AGBL4: variants seen among roughly 807,000 people sequenced by gnomAD.
AGBL4 encodes AGBL carboxypeptidase 4.
Under a neutral mutation model 66.4 loss-of-function variants are expected in AGBL4, and 58 were observed. That is an observed-to-expected ratio of 0.87 (90% CI 0.71 to 1.09). The LOEUF (loss-of-function observed/expected upper bound fraction) is 1.09, where lower values mean the gene tolerates loss of function less well. Ranked by LOEUF, AGBL4 falls within the 50% of genes least tolerant of loss-of-function variation. The pLI, the probability that AGBL4 is intolerant of heterozygous loss-of-function variation, is 0.00. For synonymous variants in AGBL4, 234 were observed against 222.9 expected, an observed-to-expected ratio of 1.05 and a Z score of -0.44; for missense variants, 579 against 631.0, an observed-to-expected ratio of 0.92 and a Z score of 0.88.
At chr1:49,089,834 A>G (rs985425381) in intron 4 of AGBL4, among the ~76,000 whole-genome samples, 6 of 152,158 alleles carry the variant, frequency 3.9e-5, no homozygotes, top group Non-Finnish European at 8.8e-5. Flanking sequence ...ATGAACACTG[A>G]TGCAAAAATC....
chr1:48,590,795 G>C (rs1054868016), intron 10 of AGBL4, 38 bp downstream of exon 10: 3 of 1,563,420 alleles, frequency 1.9e-6, no homozygotes, highest in Non-Finnish European at 2.6e-6. Context: ...GCAGGGTGTG[G>C]GGGGCTGGGG....
At chr1:49,495,046 G>A (rs1214685483) in intron 3 of AGBL4, among the ~76,000 whole-genome samples, 1 of 151,960 alleles carries the variant, frequency 6.6e-6, no homozygotes, top group Middle Eastern at 3.2e-3. Flanking sequence ...TACTTAATTA[G>A]AGTTCTATTG....
intron 1 of AGBL4, among the ~76,000 whole-genome samples, chr1:49,882,819 A>G (rs1015672089): frequency 1.3e-5 from 2 of 152,116 alleles, no homozygotes; most frequent in Admixed American, 1.3e-4. Context: ...TGCATTTTAG[A>G]AATTTGTTGA....
chr1:48,537,849 T>A (rs1643998620), intron 12 of AGBL4, among the ~76,000 whole-genome samples: 1 of 152,228 alleles, frequency 6.6e-6, no homozygotes, highest in Admixed American at 6.5e-5. Flanking sequence ...GAATGACTTC[T>A]AAGAATGAAC....
intron 5 of AGBL4, among the ~76,000 whole-genome samples, chr1:49,002,046 G>T (rs1661430969): frequency 6.6e-6 from 1 of 152,212 alleles, no homozygotes; most frequent in South Asian, 2.1e-4. Flanking sequence ...GACATAGCTA[G>T]AGTGTAATAA....
chr1:49,741,587 G>C (rs1650477279), intron 2 of AGBL4, among the ~76,000 whole-genome samples: 1 of 152,016 alleles, frequency 6.6e-6, no homozygotes, highest in African/African-American at 2.4e-5. Context: ...GCCTGGCTGA[G>C]ACACAACAAA....
chr1:48,716,645 A>C (rs1229043667), intron 6 of AGBL4, among the ~76,000 whole-genome samples: 1 of 152,146 alleles, frequency 6.6e-6, no homozygotes. Context: ...CTGAGCAATC[A>C]ATTTTATGTG....
At chr1:49,418,082 C>T (rs1645467007) in intron 3 of AGBL4, among the ~76,000 whole-genome samples, 1 of 152,152 alleles carries the variant, frequency 6.6e-6, no homozygotes, top group Non-Finnish European at 1.5e-5. Context: ...TTTACTGTAA[C>T]TTTAGCTTTC....
At chr1:49,412,773 A>C (rs1645343414) in intron 3 of AGBL4, among the ~76,000 whole-genome samples, 1 of 152,176 alleles carries the variant, frequency 6.6e-6, no homozygotes, top group African/African-American at 2.4e-5. Context: ...AAAGAGTATA[A>C]ATGAGAAGAG....
intron 6 of AGBL4, among the ~76,000 whole-genome samples, chr1:48,752,759 CT>C (rs888890541): frequency 3.1e-4 from 46 of 148,884 alleles, no homozygotes; most frequent in African/African-American, 4.2e-4. Context: ...TCATTTACTC[CT>C]TTTTTTTTTG....
At chr1:49,136,424 C>T (rs1010997625) in intron 4 of AGBL4, among the ~76,000 whole-genome samples, 1 of 152,162 alleles carries the variant, frequency 6.6e-6, no homozygotes, top group African/African-American at 2.4e-5. Flanking sequence ...CTTCAAGATG[C>T]ACCTTGTCCA....
chr1:49,364,749 A>T (rs1357541395), intron 3 of AGBL4, among the ~76,000 whole-genome samples: 2 of 152,294 alleles, frequency 1.3e-5, no homozygotes, highest in East Asian at 3.9e-4. Context: ...AAGTGCTGGG[A>T]TTAAAGGCGT....
chr1:49,312,253 C>T (rs1644954418), intron 3 of AGBL4, among the ~76,000 whole-genome samples: 1 of 152,008 alleles, frequency 6.6e-6, no homozygotes, highest in Admixed American at 6.6e-5. Context: ...TTTACTCCTT[C>T]CTTCCCTTCT....
intron 3 of AGBL4, among the ~76,000 whole-genome samples, chr1:49,486,301 G>C (rs748039086): frequency 1.3e-5 from 2 of 151,856 alleles, no homozygotes; most frequent in African/African-American, 4.8e-5. Flanking sequence ...CATATGTATT[G>C]TTCTTTTAAA....
intron 11 of AGBL4, among the ~76,000 whole-genome samples, chr1:48,581,491 G>C (rs1007821087): frequency 6.6e-6 from 1 of 152,162 alleles, no homozygotes; most frequent in Non-Finnish European, 1.5e-5. Context: ...CTTGTAACCA[G>C]ACTAAAAACA....
intron 4 of AGBL4, among the ~76,000 whole-genome samples, chr1:49,245,164 T>C (rs1314318119): frequency 6.6e-6 from 1 of 151,260 alleles, no homozygotes; most frequent in Non-Finnish European, 1.5e-5. Context: ...GTATTATTAA[T>C]ATTATTATTA....
chr1:48,899,117 G>T (rs1651835108), intron 5 of AGBL4, among the ~76,000 whole-genome samples: 2 of 152,236 alleles, frequency 1.3e-5, no homozygotes, highest in African/African-American at 4.8e-5. Flanking sequence ...GCACCGTCGT[G>T]AAGCCCCCGA....
At chr1:49,066,703 A>G (rs1644498592) in intron 4 of AGBL4, among the ~76,000 whole-genome samples, 2 of 152,156 alleles carry the variant, frequency 1.3e-5, no homozygotes, top group African/African-American at 2.4e-5. Flanking sequence ...TCACATCTCT[A>G]TTTACTTGAA....
intron 3 of AGBL4, among the ~76,000 whole-genome samples, chr1:49,435,399 G>A (rs1270388174): frequency 6.6e-6 from 1 of 152,100 alleles, no homozygotes; most frequent in Non-Finnish European, 1.5e-5. Context: ...TTTTTCCATG[G>A]ATGTATTCCC....
Sources: gnomAD v4.1 joint callset for allele counts (sites outside exome capture counted in the v4.1 genomes callset) on GRCh38, gnomAD v4.1.1 for gene constraint, MANE v1.5 for transcripts, NCBI Gene and HGNC (gene_info 2026-07-23, HGNC 2026-07-21) for gene names.